Variants in EYS observed in about 807,000 individuals in gnomAD.
EYS encodes the protein protein eyes shut homolog.
Under a neutral mutation model 282.1 loss-of-function variants are expected in EYS, and 250 were observed. The observed-to-expected ratio is 0.89, with a 90% CI of 0.80 to 0.98. The LOEUF is 0.98. EYS is among the 50% of genes least tolerant of loss of function. EYS has a pLI of 0.00. For missense variants in EYS, 4,016 were observed against 3,709.0 expected, an observed-to-expected ratio of 1.08 and a Z score of -2.15; for synonymous variants, 1,355 against 1,282.9, an observed-to-expected ratio of 1.06 and a Z score of -1.20.
chr6:65,198,175 A>G (rs1299302998), intron 12 of EYS, among the ~76,000 whole-genome samples: 1 of 152,026 alleles, frequency 6.6e-6, no homozygotes, highest in African/African-American at 2.4e-5. Flanking sequence ...CCTACACACA[A>G]TAAGGATCAT....
chr6:63,911,119 G>A (rs558440248), intron 35 of EYS, among the ~76,000 whole-genome samples: 1 of 90,916 alleles, frequency 1.1e-5, no homozygotes, highest in African/African-American at 3.5e-5. Flanking sequence ...GAAGTCATTG[G>A]TTAAAAAAAA....
intron 33 of EYS, among the ~76,000 whole-genome samples, chr6:64,003,961 G>A (rs1369693544): frequency 1.3e-5 from 2 of 152,118 alleles, no homozygotes; most frequent in South Asian, 4.1e-4. Flanking sequence ...CAGCCATGCC[G>A]AACTGTGAGT....
chr6:64,612,525 C>T (rs1767145124), intron 24 of EYS, among the ~76,000 whole-genome samples: 1 of 152,018 alleles, frequency 6.6e-6, no homozygotes, highest in African/African-American at 2.4e-5. Context: ...GATGTAAGTA[C>T]TTTAATCTTG....
chr6:65,452,274 G>A (rs894807796), intron 5 of EYS, among the ~76,000 whole-genome samples: 4 of 151,244 alleles, frequency 2.6e-5, no homozygotes, highest in African/African-American at 7.3e-5. Context: ...AATGTATTTT[G>A]ATTTTAATAA....
chr6:64,523,735 A>T (rs1777830166), intron 26 of EYS, among the ~76,000 whole-genome samples: 1 of 151,694 alleles, frequency 6.6e-6, no homozygotes, highest in South Asian at 2.1e-4. Flanking sequence ...GGCCAAGTGG[A>T]ACTCCCTGAA....
At chr6:64,335,106 T>C (rs939056761) in intron 29 of EYS, among the ~76,000 whole-genome samples, 1 of 152,060 alleles carries the variant, frequency 6.6e-6, no homozygotes, top group Non-Finnish European at 1.5e-5. Flanking sequence ...TAGCTAACTG[T>C]AGTGCTCTTT....
At chr6:64,298,974 C>T (rs890083850) in intron 30 of EYS, among the ~76,000 whole-genome samples, 1 of 152,060 alleles carries the variant, frequency 6.6e-6, no homozygotes, top group African/African-American at 2.4e-5. Context: ...CTCAATACAG[C>T]AAGAAGATAT....
chr6:64,827,169 A>G (rs2150025716), intron 19 of EYS, among the ~76,000 whole-genome samples: 1 of 152,008 alleles, frequency 6.6e-6, no homozygotes, highest in African/African-American at 2.4e-5. Flanking sequence ...CTGGCTTAAA[A>G]TTAAACATTC....
chr6:64,120,257 G>A (rs1773534204), intron 31 of EYS, among the ~76,000 whole-genome samples: 1 of 149,618 alleles, frequency 6.7e-6, no homozygotes, highest in Admixed American at 6.7e-5. Flanking sequence ...TCGGGAGGCT[G>A]AGGCGAGAGA....
chr6:63,879,775 T>TTGA (rs1223001490), intron 35 of EYS, among the ~76,000 whole-genome samples: 3 of 152,184 alleles, frequency 2.0e-5, no homozygotes, highest in South Asian at 2.1e-4. Flanking sequence ...GTTGTTATTG[T>TTGA]TGATGATGAT....
intron 12 of EYS, among the ~76,000 whole-genome samples, chr6:65,167,133 T>C (rs1437825970): frequency 1.3e-5 from 2 of 151,168 alleles, no homozygotes; most frequent in Non-Finnish European, 3.0e-5. Flanking sequence ...ACTTTGGCAG[T>C]CCTTCACAAT....
At chr6:65,459,111 C>T (rs1742935453) in intron 5 of EYS, among the ~76,000 whole-genome samples, 1 of 151,994 alleles carries the variant, frequency 6.6e-6, no homozygotes, top group Non-Finnish European at 1.5e-5. Flanking sequence ...GAATTATACA[C>T]ACAGTCATTA....
intron 10 of EYS, among the ~76,000 whole-genome samples, chr6:65,338,094 C>T (rs918279395): frequency 1.3e-5 from 2 of 151,132 alleles, no homozygotes; most frequent in East Asian, 2.0e-4. Flanking sequence ...ATATCTAATG[C>T]TCTGGTTGAA....
chr6:64,371,213 T>C (rs1324276805), intron 29 of EYS, among the ~76,000 whole-genome samples: 2 of 152,120 alleles, frequency 1.3e-5, no homozygotes, highest in Non-Finnish European at 2.9e-5. Flanking sequence ...TGGAATGTTG[T>C]ATTGTTTTTC....
At chr6:65,449,091 G>A (rs562704560) in intron 5 of EYS, among the ~76,000 whole-genome samples, 6 of 152,078 alleles carry the variant, frequency 3.9e-5, no homozygotes, top group East Asian at 1.9e-4. Flanking sequence ...GCTATGGACC[G>A]AGCACAAAAA....
intron 28 of EYS, among the ~76,000 whole-genome samples, chr6:64,391,260 A>G (rs565365059): frequency 6.6e-6 from 1 of 151,756 alleles, no homozygotes; most frequent in African/African-American, 2.4e-5. Context: ...ATTCAGATTC[A>G]GGAAATACAG....
chr6:63,737,427 A>G (rs1230099365), intron 41 of EYS, among the ~76,000 whole-genome samples: 1 of 152,134 alleles, frequency 6.6e-6, no homozygotes, highest in Non-Finnish European at 1.5e-5. Context: ...CTTGCATCCC[A>G]GGGATGAAGC....
At chr6:64,314,194 C>CAAAAAAAAGAAAAAAA (rs1769842400) in intron 29 of EYS, among the ~76,000 whole-genome samples, 1 of 27,676 alleles carries the variant, frequency 3.6e-5, no homozygotes, top group African/African-American at 1.5e-4. Context: ...AAATGGAAAG[C>CAAAAAAAAGAAAAAAA]AAAAAAAAAA....
intron 5 of EYS, among the ~76,000 whole-genome samples, chr6:65,452,725 A>G (rs1024495797): frequency 3.9e-5 from 6 of 152,160 alleles, no homozygotes; most frequent in African/African-American, 1.2e-4. Context: ...GAACTATGTT[A>G]GCAAGTATCT....
Sources: allele counts gnomAD v4.1 joint callset (sites outside exome capture counted in the v4.1 genomes callset), GRCh38; gene constraint gnomAD v4.1.1; transcripts MANE v1.5; gene names NCBI Gene and HGNC (gene_info 2026-07-23, HGNC 2026-07-21).